SPATA13: variants seen among roughly 807,000 people sequenced by gnomAD.
SPATA13 encodes spermatogenesis-associated protein 13.
SPATA13 carries 50 observed loss-of-function variants against 104.0 expected under a neutral mutation model. The ratio of observed to expected loss-of-function variants is 0.48; its 90% CI spans 0.38 to 0.61. SPATA13 has a LOEUF of 0.61. Ranked by LOEUF, SPATA13 falls within the 20% of genes least tolerant of loss-of-function variation. The pLI, the probability that SPATA13 is intolerant of heterozygous loss-of-function variation, is 0.00. For synonymous variants in SPATA13, 606 were observed against 667.5 expected, an observed-to-expected ratio of 0.91 and a Z score of 1.42; for missense variants, 1,524 against 1,690.6, an observed-to-expected ratio of 0.90 and a Z score of 1.73.
intron 3 of SPATA13, among the ~76,000 whole-genome samples, chr13:24,031,868 C>T (rs1219731474): frequency 2.6e-5 from 4 of 152,210 alleles, no homozygotes; most frequent in African/African-American, 7.2e-5. Flanking sequence ...ACCATATTTA[C>T]AAGCTATCAC....
intron 3 of SPATA13, among the ~76,000 whole-genome samples, chr13:24,093,262 T>C (rs561185790): frequency 6.6e-6 from 1 of 152,346 alleles, no homozygotes; most frequent in South Asian, 2.1e-4. Context: ...TGTCTTTGAG[T>C]TCACTCAAGC....
intron 3 of SPATA13, among the ~76,000 whole-genome samples, chr13:24,080,966 C>A (rs1191758632): frequency 2.6e-5 from 4 of 152,198 alleles, no homozygotes; most frequent in African/African-American, 2.4e-5. Flanking sequence ...TCCCAATGCT[C>A]CCTTTTGTCA....
At chr13:24,248,987 A>C (rs1873320336) in intron 2 of SPATA13, among the ~76,000 whole-genome samples, 1 of 151,488 alleles carries the variant, frequency 6.6e-6, no homozygotes. Flanking sequence ...CTCCTGTCTC[A>C]GCCTCCCAAG....
chr13:24,079,465 A>G (rs1411499201), intron 3 of SPATA13, among the ~76,000 whole-genome samples: 3 of 152,168 alleles, frequency 2.0e-5, no homozygotes, highest in African/African-American at 7.2e-5. Flanking sequence ...GGGCTTTTCC[A>G]TTTGAAAGAC....
At chr13:24,127,822 A>G (rs891428661) in intron 3 of SPATA13, among the ~76,000 whole-genome samples, 2 of 152,266 alleles carry the variant, frequency 1.3e-5, no homozygotes, top group Admixed American at 1.3e-4. Context: ...ATTGCACAGC[A>G]AGGAATAAAA....
At chr13:24,274,828 G>A (rs1008697796) in intron 4 of SPATA13, among the ~76,000 whole-genome samples, 1 of 152,226 alleles carries the variant, frequency 6.6e-6, no homozygotes, top group Non-Finnish European at 1.5e-5. Flanking sequence ...GTGATGCTGG[G>A]TGGGAGATGC....
chr13:24,246,789 G>T (rs2138654957), intron 2 of SPATA13, among the ~76,000 whole-genome samples: 1 of 150,854 alleles, frequency 6.6e-6, no homozygotes, highest in African/African-American at 2.4e-5. Flanking sequence ...CTTGAACCTG[G>T]GAGGTGGAGG....
chr13:24,236,595 C>CAAAAA (rs60473362), intron 2 of SPATA13, among the ~76,000 whole-genome samples: 1 of 118,194 alleles, frequency 8.5e-6, no homozygotes. Flanking sequence ...GACTCCATCT[C>CAAAAA]AAAAAAAAAA....
At chr13:24,253,957 T>G (rs1325739601) in intron 4 of SPATA13, among the ~76,000 whole-genome samples, 2 of 151,840 alleles carry the variant, frequency 1.3e-5, no homozygotes, top group Non-Finnish European at 2.9e-5. Flanking sequence ...TTGTTCTAAG[T>G]GTGGTGTGAA....
intron 3 of SPATA13, among the ~76,000 whole-genome samples, chr13:24,079,349 G>A (rs1879432404): frequency 1.3e-5 from 2 of 152,110 alleles, no homozygotes; most frequent in Admixed American, 1.3e-4. Context: ...ACAGAGCTGA[G>A]GGGGTGACAT....
chr13:24,198,214 T>C (rs370020294), intron 1 of SPATA13, among the ~76,000 whole-genome samples: 10 of 152,190 alleles, frequency 6.6e-5, no homozygotes, highest in South Asian at 2.1e-4. Flanking sequence ...AGGCTGGTCT[T>C]GAACTCCTGA....
chr13:24,236,854 T>C (rs1256107502), intron 2 of SPATA13, among the ~76,000 whole-genome samples: 2 of 152,128 alleles, frequency 1.3e-5, no homozygotes, highest in Non-Finnish European at 2.9e-5. Flanking sequence ...AAGTTAAACA[T>C]AGAATTACTG....
At chr13:24,004,494 G>T (rs1876127344) in intron 2 of SPATA13, among the ~76,000 whole-genome samples, 1 of 152,044 alleles carries the variant, frequency 6.6e-6, no homozygotes. Flanking sequence ...GGCCATCCAG[G>T]GGTGAGGGGC....
chr13:24,245,285 A>C, intron 2 of SPATA13, among the ~76,000 whole-genome samples: 1 of 132,322 alleles, frequency 7.6e-6, no homozygotes, highest in South Asian at 2.1e-4. Flanking sequence ...ACTTTGCTTA[A>C]AAAAAAAAAA....
intron 3 of SPATA13, among the ~76,000 whole-genome samples, chr13:24,118,299 T>G (rs1361506427): frequency 2.6e-5 from 4 of 152,206 alleles, no homozygotes; most frequent in Admixed American, 2.6e-4. Context: ...TATAGATAAG[T>G]TATTTCTAAT....
At chr13:24,111,834 T>C (rs898035877) in intron 3 of SPATA13, among the ~76,000 whole-genome samples, 1 of 152,246 alleles carries the variant, frequency 6.6e-6, no homozygotes, top group Non-Finnish European at 1.5e-5. Flanking sequence ...TTTGCTAATG[T>C]CTTGTTTCAC....
intron 2 of SPATA13, among the ~76,000 whole-genome samples, chr13:23,988,838 C>T (rs2765152): frequency 0.032 from 4,880 of 152,170 alleles, 195 homozygotes; most frequent in East Asian, 0.1. Flanking sequence ...GTTTTTCTCC[C>T]CCCTCTTCTT....
rs761871463 is a variant in SPATA13 at position 24,300,492 on chromosome 13, G to A, written c.3658+17G>A. ...AGTCAAAAGGTAAGTTATGGAGAAG[G>A]CTTTGTCCCCTTAATGCTTATCAGT... is the stretch of plus-strand genomic sequence containing the variant. On this transcript the variant is annotated intron_variant, in intron 12 of 12. Coordinates refer to ENST00000382108, the MANE Select transcript of SPATA13 (RefSeq NM_001166271.3). 2.5e-6 allele frequency: 4 copies of A among 1,611,670 alleles called. No homozygotes were observed. The highest frequency in any genetic ancestry group is 3.3e-5 in the Admixed American group (2 of 60,018).
intron 1 of SPATA13, among the ~76,000 whole-genome samples, chr13:24,179,820 T>C (rs1301031093): frequency 1.3e-5 from 2 of 152,224 alleles, no homozygotes; most frequent in African/African-American, 4.8e-5. Flanking sequence ...TTCAAAGAAA[T>C]GCCTCTTCAA....
Sources: allele counts gnomAD v4.1 joint callset (sites outside exome capture counted in the v4.1 genomes callset), GRCh38; gene constraint gnomAD v4.1.1; transcripts MANE v1.5; gene names NCBI Gene and HGNC (gene_info 2026-07-23, HGNC 2026-07-21).